The following CRB1 variants were observed in gnomAD, a reference collection of about 807,000 sequenced individuals.
CRB1 encodes crumbs cell polarity complex component 1.
In CRB1, 83 loss-of-function variants were observed where a neutral mutation model predicts 120.0. The ratio of observed to expected loss-of-function variants is 0.69; its 90% CI spans 0.58 to 0.83. CRB1 has a LOEUF of 0.83. Ranked by LOEUF, CRB1 falls within the 40% of genes least tolerant of loss-of-function variation. CRB1 has a pLI of 0.00. For missense variants in CRB1, 1,699 were observed against 1,687.6 expected (o/e 1.01, Z -0.12); for synonymous variants, 625 against 612.5 (o/e 1.02, Z -0.30).
At chr1:197,475,027 G>T (rs1003800909) in intron 11 of CRB1, among the ~76,000 whole-genome samples, 2 of 152,116 alleles carry the variant, frequency 1.3e-5, no homozygotes, top group African/African-American at 4.8e-5. Context: ...ACACAGTATG[G>T]ATGGAGAGTT....
the CRB1 span, among the ~76,000 whole-genome samples, chr1:197,211,419 G>A: frequency 7.9e-5 from 12 of 152,302 alleles, no homozygotes; most frequent in South Asian, 2.3e-3. Flanking sequence ...ATTTCTCACA[G>A]TTCTGAAGTC....
intron 5 of CRB1, among the ~76,000 whole-genome samples, chr1:197,408,443 A>T (rs1361534054): frequency 6.6e-6 from 1 of 152,192 alleles, no homozygotes; most frequent in East Asian, 1.9e-4. Flanking sequence ...TAATGCTGGG[A>T]GATGAATAAA....
intron 1 of CRB1, among the ~76,000 whole-genome samples, chr1:197,282,610 A>G (rs956694246): frequency 2.0e-5 from 3 of 151,972 alleles, no homozygotes; most frequent in African/African-American, 7.2e-5. Flanking sequence ...TCCAGTAATC[A>G]AAAGTAAATT....
chr1:197,260,249 A>G, the CRB1 span, among the ~76,000 whole-genome samples: 1 of 151,908 alleles, frequency 6.6e-6, no homozygotes, highest in Non-Finnish European at 1.5e-5. Context: ...AAGAATCACA[A>G]AGGTTTAATT....
chr1:197,376,359 T>G (rs557943194), intron 5 of CRB1, among the ~76,000 whole-genome samples: 1 of 152,170 alleles, frequency 6.6e-6, no homozygotes, highest in Admixed American at 6.5e-5. Flanking sequence ...ACTTTTTATT[T>G]TTTTATCTTC....
intron 4 of CRB1, among the ~76,000 whole-genome samples, chr1:197,350,106 C>CAAAA (rs551040523): frequency 3.0e-5 from 2 of 65,740 alleles, no homozygotes; most frequent in African/African-American, 4.3e-5. Context: ...GACTCCGTCT[C>CAAAA]AAAAAAAAAA....
chr1:197,454,286 G>T, intron 11 of CRB1, among the ~76,000 whole-genome samples: 1 of 151,552 alleles, frequency 6.6e-6, no homozygotes, highest in Non-Finnish European at 1.5e-5. Context: ...ACTTACTTAA[G>T]ACAGAATTTA....
chr1:197,312,550 C>A (rs1657596688), intron 1 of CRB1, among the ~76,000 whole-genome samples: 1 of 152,154 alleles, frequency 6.6e-6, no homozygotes, highest in Non-Finnish European at 1.5e-5. Flanking sequence ...CCACTGCACT[C>A]CAGCCTGAGG....
the CRB1 span, among the ~76,000 whole-genome samples, chr1:197,229,598 G>C: frequency 6.6e-6 from 1 of 152,144 alleles, no homozygotes; most frequent in Non-Finnish European, 1.5e-5. Context: ...TTCAGCCCTT[G>C]TTCCCCTCCT....
chr1:197,329,075 T>A (rs1299008148), intron 2 of CRB1, 72 bp downstream of exon 2: 1 of 1,330,844 alleles, frequency 7.5e-7, no homozygotes, highest in African/African-American at 1.4e-5. Context: ...AGAGGTGACA[T>A]TTTATTTTTC....
chr1:197,229,878 C>A, the CRB1 span, among the ~76,000 whole-genome samples: 1 of 152,162 alleles, frequency 6.6e-6, no homozygotes, highest in Non-Finnish European at 1.5e-5. Flanking sequence ...AGACCTACAG[C>A]TTCGCTCTTG....
chr1:197,343,412 A>G (rs755376615), intron 2 of CRB1, among the ~76,000 whole-genome samples: 154 of 152,282 alleles, frequency 1.0e-3, no homozygotes, highest in Non-Finnish European at 1.8e-3. Context: ...TACTACTACA[A>G]CTTGTATAAA....
chr1:197,237,648 T>C, the CRB1 span, among the ~76,000 whole-genome samples: 1 of 152,222 alleles, frequency 6.6e-6, no homozygotes, highest in Non-Finnish European at 1.5e-5. Context: ...ATCATATTTG[T>C]AGACACAGTT....
At chr1:197,393,214 A>G (rs1016406125) in intron 5 of CRB1, among the ~76,000 whole-genome samples, 1 of 152,130 alleles carries the variant, frequency 6.6e-6, no homozygotes, top group Non-Finnish European at 1.5e-5. Flanking sequence ...AAAGTACCAA[A>G]AAATAGTATT....
At chr1:197,235,930 C>T in the CRB1 span, among the ~76,000 whole-genome samples, 9 of 152,058 alleles carry the variant, frequency 5.9e-5, no homozygotes, top group South Asian at 4.1e-4. Context: ...CAACCACAGG[C>T]GAATCTTGAG....
chr1:197,320,280 C>T (rs1004257871), intron 1 of CRB1, among the ~76,000 whole-genome samples: 7 of 152,188 alleles, frequency 4.6e-5, no homozygotes, highest in African/African-American at 1.4e-4. Flanking sequence ...ATGATTTCAC[C>T]TATTGGGCTC....
the CRB1 span, among the ~76,000 whole-genome samples, chr1:197,252,570 A>ATG: frequency 2.1e-5 from 1 of 48,632 alleles, no homozygotes. Flanking sequence ...ATATATATAT[A>ATG]TATATATATA....
the CRB1 span, among the ~76,000 whole-genome samples, chr1:197,256,834 C>CA: frequency 7.0e-5 from 10 of 142,522 alleles, no homozygotes; most frequent in East Asian, 2.2e-4. Context: ...GAAAAAAAAA[C>CA]AAAAAAAACT....
chr1:197,415,162 C>G (rs1383907164), intron 5 of CRB1, among the ~76,000 whole-genome samples: 1 of 152,146 alleles, frequency 6.6e-6, no homozygotes. Flanking sequence ...GCATGACCAT[C>G]TGCACTTATT....
Sources: gnomAD v4.1 joint callset for allele counts (sites outside exome capture counted in the v4.1 genomes callset) on GRCh38, gnomAD v4.1.1 for gene constraint, MANE v1.5 for transcripts, NCBI Gene and HGNC (gene_info 2026-07-23, HGNC 2026-07-21) for gene names.